Variants in ZNF263 observed in about 807,000 individuals in gnomAD.
ZNF263 encodes zinc finger protein FPM315.
ZNF263 carries 49 observed loss-of-function variants against 63.1 expected under a neutral mutation model. The ratio of observed to expected loss-of-function variants is 0.78; its 90% confidence interval spans 0.62 to 0.99. The LOEUF (loss-of-function observed/expected upper bound fraction) is 0.99. ZNF263 is among the 50% of genes least tolerant of loss of function. The probability of loss-of-function intolerance (pLI) is 0.00; values close to 1 mark genes in which losing one functional copy is unlikely to be tolerated. For missense variants in ZNF263, 872 were observed against 854.8 expected (o/e 1.02, Z -0.25); for synonymous variants, 352 against 324.2 (o/e 1.09, Z -0.92).
rs1024744328 is a variant in ZNF263, at chr16:3,287,399, C to T, written c.770-1055C>T. Among the ~76,000 whole-genome samples, 72 of 150,342 alleles carry T rather than the reference C, an allele frequency of 4.8e-4. 1 individual carries two copies. Among genetic ancestry groups the T allele is most frequent in the Admixed American group, 6.7e-4 (10 of 14,922 alleles). ...GGAATTACAGGTGTGAGCCACCACA[C>T]CCGGCCTTTTTTTTTTTTTTTTTTT... On this transcript the variant is annotated intron_variant, in intron 4 of 5. Coordinates refer to ENST00000219069, the MANE Select transcript of ZNF263 (RefSeq NM_005741.5).
Position 3,283,705 on chromosome 16 carries a change from TGGGAGCCCCCGGCCCC to T in ZNF263, c.-110_-95del. 14 of 1,385,360 alleles carry T rather than the reference TGGGAGCCCCCGGCCCC, an allele frequency of 1.0e-5. No individual in the cohort carries two copies. Among genetic ancestry groups the T allele is most frequent in the Non-Finnish European group, 1.3e-5 (14 of 1,073,636 alleles). The allele number at this position is 1,385,360 out of a possible 1,614,324, so 85.8% of individuals were successfully genotyped here. A position where few individuals can be genotyped will look rare whatever the true frequency, so the allele number is the denominator to read the frequency against. ...TGGAGCGGGGCTCCTCGGCCTGGACTGGGAGCCCCCGGCCCCGGGCTCCTGCTGGCGCCGTCCAACC... is the reference window on the plus strand; with the variant it reads ...TGGAGCGGGGCTCCTCGGCCTGGACTGGGCTCCTGCTGGCGCCGTCCAACC... On this transcript the variant is annotated 5_prime_UTR_variant, in exon 1 of 6. Coordinates refer to ENST00000219069, the MANE Select transcript of ZNF263 (RefSeq NM_005741.5).
chr16:3,293,641 C>G (rs979239010), downstream of ZNF263, among the ~76,000 whole-genome samples: 1 of 152,216 alleles, frequency 6.6e-6, no homozygotes, highest in African/African-American at 2.4e-5. Flanking sequence ...CCCTGAGCAG[C>G]AGCCACACAT....
In ZNF263 at chr16:3,290,641, C is replaced by G. The variant is rs1959580453; in HGVS notation, c.*83C>G. The G allele has an allele frequency of 2.0e-6, 3 of 1,499,188 alleles. No homozygotes were observed. The highest frequency in any genetic ancestry group is 1.4e-5 in the African/African-American group (1 of 71,688). 92.9% of individuals were successfully genotyped at this position (1,499,188 alleles called of 1,614,324 possible). ...GCAAGAGCTGGTATTCCCTGCCCAG[C>G]CGACCAAATGACCTCTGCATTCTTC... On this transcript the variant is annotated 3_prime_UTR_variant, in exon 6 of 6. Transcript: ENST00000219069.
At chr16:3,293,609 G>A (rs1028662627), downstream of ZNF263, among the ~76,000 whole-genome samples, 7 of 152,204 alleles carry the variant, frequency 4.6e-5, no homozygotes, top group African/African-American at 1.7e-4. Flanking sequence ...GGTGCAAAGA[G>A]GTCTTGGGAG....
rs776756717 is a variant in ZNF263 at position 3,285,199 on chromosome 16, C to T, written c.528C>T (p.Gly176=). ...SPGPRLQELL[G]PSPQRDPQAV... is the part of the protein sequence containing the mutation. ...GCCCCAGGCTGCAGGAGCTGCTAGG[C>T]CCCAGCCCCCAAAGGGACCCCCAGG... Residue 176 remains glycine, a synonymous_variant, in exon 2 of 6, where the codon GGC becomes GGT. Coordinates refer to ENST00000219069, the MANE Select transcript of ZNF263 (RefSeq NM_005741.5). 5 of 1,613,710 alleles carry T rather than the reference C, an allele frequency of 3.1e-6. No individual in the cohort carries two copies. Among genetic ancestry groups the T allele is most frequent in the Non-Finnish European group, 4.2e-6 (5 of 1,179,984 alleles).
In ZNF263 at chr16:3,290,270, G is replaced by A; in HGVS notation, c.1764G>A (p.Met588Ile). ...GTGGGAAAAGCTTCCGGCAGGGCAT[G>A]CACCTCACCAGACATCAGAGAACAC... Reference protein sequence around the residue: ...LTCGKSFRQGMHLTRHQRTHT... With the variant: ...LTCGKSFRQGIHLTRHQRTHT... The change falls in exon 6 of 6, where the codon ATG becomes ATA. Residue 588 changes from methionine to isoleucine, a missense_variant. By Grantham distance (10) the Met-to-Ile change is conservative (BLOSUM62 1). Coordinates refer to ENST00000219069, the MANE Select transcript of ZNF263 (RefSeq NM_005741.5). 6.2e-7 allele frequency: 1 copy of A among 1,614,086 alleles called. No homozygotes were observed. Among genetic ancestry groups the A allele is most frequent in the Non-Finnish European group, 8.5e-7 (1 of 1,180,028 alleles).
chr16:3,284,145 C>A lies in ZNF263; in HGVS notation c.327C>A (p.Gly109=). ...TGCAGGAGCTGCATCCGGAGAGCGG[C>A]GAAGAAGCGGTGACCCTTGTGGAGG... The part of the protein sequence containing the change: ...SRVQELHPES[G]EEAVTLVEDM... The change falls in exon 1 of 6, where the codon GGC becomes GGA. Residue 109 remains glycine, a synonymous_variant. Coordinates refer to ENST00000219069, the MANE Select transcript of ZNF263 (RefSeq NM_005741.5). 1.2e-6 allele frequency: 2 copies of A among 1,600,126 alleles called. No individual in the cohort carries two copies. Among genetic ancestry groups the A allele is most frequent in the Non-Finnish European group, 8.5e-7 (1 of 1,172,250 alleles).
chr16:3,294,468 C>T (rs1959694165), downstream of ZNF263, among the ~76,000 whole-genome samples: 1 of 152,162 alleles, frequency 6.6e-6, no homozygotes, highest in African/African-American at 2.4e-5. Flanking sequence ...TGAATTCAAG[C>T]AAAATGCATT....
At chr16:3,287,789 C>T (rs527928502) in intron 4 of ZNF263, among the ~76,000 whole-genome samples, 10 of 151,824 alleles carry the variant, frequency 6.6e-5, no homozygotes, top group South Asian at 4.2e-4. Flanking sequence ...TGGAGTTGTC[C>T]GGTCAAATTT....
downstream of ZNF263, among the ~76,000 whole-genome samples, chr16:3,292,146 C>T (rs1296579914): frequency 6.6e-6 from 1 of 151,994 alleles, no homozygotes; most frequent in Non-Finnish European, 1.5e-5. Flanking sequence ...AAATCGGATG[C>T]CAGGAAAACA....
rs780816727 is a variant in ZNF263 at position 3,290,509 on chromosome 16, T to G, written c.2003T>G (p.Phe668Cys). The G allele has an allele frequency of 1.3e-5, 21 of 1,613,708 alleles. No homozygotes were observed. The highest frequency in any genetic ancestry group is 2.2e-5 in the East Asian group (1 of 44,888). ...AAATGTTCTGAATGTGGAGAAAGCTTCTCTCGGAGTTCCCGTCTTATGAGT... is the reference window on the plus strand; with the variant it reads ...AAATGTTCTGAATGTGGAGAAAGCTGCTCTCGGAGTTCCCGTCTTATGAGT... ...PYKCSECGES[F>C]SRSSRLMSHQ... The change falls in exon 6 of 6, where the codon TTC (phenylalanine) becomes TGC (cysteine). Residue 668 changes from phenylalanine (F) to cysteine (C), a missense_variant. Coordinates refer to ENST00000219069, the MANE Select transcript of ZNF263 (RefSeq NM_005741.5).
intron 2 of ZNF263, chr16:3,300,719 C>A (rs1351018283): frequency 6.8e-7 from 1 of 1,470,336 alleles, no homozygotes; most frequent in Admixed American, 2.8e-5. Flanking sequence ...TAGCTGAAAG[C>A]CCCAGAAGGC....
In ZNF263 at chr16:3,290,069, C is replaced by G; in HGVS notation, c.1563C>G (p.Pro521=). ...IHTGERPYKC[P]ECGKSFSRSS... is the part of the protein sequence containing the mutation. ...CTGGAGAGCGACCTTATAAGTGTCCCGAGTGTGGGAAAAGTTTCTCTCGGA... is the reference window on the plus strand; with the variant it reads ...CTGGAGAGCGACCTTATAAGTGTCCGGAGTGTGGGAAAAGTTTCTCTCGGA... Residue 521 remains proline (P), a synonymous_variant, in exon 6 of 6, where the codon CCC becomes CCG. Coordinates refer to ENST00000219069, the MANE Select transcript of ZNF263 (RefSeq NM_005741.5). 6.2e-7 allele frequency: 1 copy of G among 1,613,872 alleles called. No homozygotes were observed. Among genetic ancestry groups the G allele is most frequent in the Non-Finnish European group, 8.5e-7 (1 of 1,179,972 alleles).
intron 1 of ZNF263, 85 bp from the exon 2 acceptor site, chr16:3,284,974 T>C (rs752901206): frequency 2.5e-5 from 38 of 1,525,418 alleles, no homozygotes; most frequent in Non-Finnish European, 3.3e-5. Context: ...GGTTCTCTGT[T>C]GAAGGTTTGC....
rs763163059 is a variant in ZNF263 at position 3,300,314 on chromosome 16, C to A, written c.*47-599C>A. 3.1e-6 allele frequency: 5 copies of A among 1,614,244 alleles called. No homozygotes were observed. The East Asian group carries it at 6.7e-5, about 22-fold the overall frequency. On this transcript the variant is annotated intron_variant, in intron 2 of 2. Coordinates refer to the ZNF263 transcript ENST00000574674. ...CTCTCTGCAGCAGCCTGAAGCTCCA[C>A]GCCTCTTACCGGAACACCGGCTGAG...
intron 1 of ZNF263, 104 bp from the exon 2 acceptor site, chr16:3,284,955 A>T (rs1959285675): frequency 7.1e-7 from 1 of 1,406,950 alleles, no homozygotes; most frequent in Admixed American, 2.0e-5. Flanking sequence ...GCCCAAAGGG[A>T]TCGCCTGAGG....
At position 3,289,810 on chromosome 16, in the gene ZNF263, A is replaced by G. The variant is rs1339840661; in HGVS notation, c.1304A>G (p.Lys435Arg). The change falls in exon 6 of 6, where the codon AAG (lysine) becomes AGG (arginine). Residue 435 changes from lysine (K) to arginine (R), a missense_variant. Transcript: ENST00000219069. ...HRAHLGEEAH[K>R]CLECGKCFSQ... ...GCACACCTGGGAGAGGAGGCCCACA[A>G]GTGCCTTGAATGTGGGAAATGCTTC... 1 of 1,614,224 alleles carries G rather than the reference A, an allele frequency of 6.2e-7. No individual in the cohort carries two copies. Among genetic ancestry groups the G allele is most frequent in the South Asian group, 1.1e-5 (1 of 91,088 alleles).
chr16:3,289,397 A>G lies in ZNF263; in HGVS notation c.891A>G (p.Glu297=). The G allele has an allele frequency of 6.6e-7, 1 of 1,509,766 alleles. No homozygotes were observed. The highest frequency in any genetic ancestry group is 8.9e-7 in the Non-Finnish European group (1 of 1,129,802). The allele number at this position is 1,509,766 out of a possible 1,614,324, so 93.5% of individuals were successfully genotyped here. A position where few individuals can be genotyped will look rare whatever the true frequency, so the allele number is the denominator to read the frequency against. Reference sequence around the variant, plus strand: ...TGGTTTCTCTCTCTCTACCAGGAGAAGAGAAATTTGAGAACCTGGAAGGTG... The same window carrying G: ...TGGTTTCTCTCTCTCTACCAGGAGAGGAGAAATTTGAGAACCTGGAAGGTG... The part of the protein sequence containing the change: ...GLSPRGPAPG[E]EKFENLEGVP... The change falls in exon 6 of 6, where the codon GAA becomes GAG. Residue 297 remains glutamate (E), a synonymous_variant. Transcript: ENST00000219069.
At chr16:3,300,317 C>G (rs536219239) in intron 2 of ZNF263, 2 of 1,614,232 alleles carry the variant, frequency 1.2e-6, no homozygotes, top group Non-Finnish European at 1.7e-6. Flanking sequence ...AGCTCCACGC[C>G]TCTTACCGGA....
Sources: allele counts gnomAD v4.1 joint callset (sites outside exome capture counted in the v4.1 genomes callset), GRCh38; gene constraint gnomAD v4.1.1; transcripts MANE v1.5; gene names NCBI Gene and HGNC (gene_info 2026-07-23, HGNC 2026-07-21).